Variants in RARB observed in about 807,000 individuals in gnomAD.
RARB encodes HBV-activated protein.
In RARB, 17 loss-of-function variants were observed where a neutral mutation model predicts 51.9. That is an observed-to-expected ratio of 0.33 (90% CI 0.22 to 0.49). The LOEUF is 0.49. RARB is among the 20% of genes least tolerant of loss of function. RARB has a pLI of 0.99. For synonymous variants in RARB, 215 were observed against 195.4 expected, an observed-to-expected ratio of 1.10 and a Z score of -0.84; for missense variants, 369 against 550.8, an observed-to-expected ratio of 0.67 and a Z score of 3.30.
chr3:25,129,294 G>A (rs1387621668), intron 3 of RARB, among the ~76,000 whole-genome samples: 1 of 151,938 alleles, frequency 6.6e-6, no homozygotes, highest in Non-Finnish European at 1.5e-5. Flanking sequence ...TTCATACAAA[G>A]GTAGATTTTT....
At position 25,280,124 on chromosome 3, in the gene RARB, T is replaced by A. The variant is rs546232553; in HGVS notation, c.178+105549T>A. On this transcript the variant is annotated intron_variant, in intron 5 of 11. Transcript: ENST00000383772. ...TGAAGACCCAAAGAAACAGGTACAGTTGTGTAATGTTGTGCTTAGGTTTGA... is the reference window on the plus strand; with the variant it reads ...TGAAGACCCAAAGAAACAGGTACAGATGTGTAATGTTGTGCTTAGGTTTGA... Among the ~76,000 whole-genome samples the A allele has an allele frequency of 8.5e-5, 13 of 152,102 alleles. No homozygotes were observed. The South Asian group carries it at 2.5e-3, about 29-fold the overall frequency.
chr3:25,546,196 G>C (rs1699609046), intron 3 of RARB, among the ~76,000 whole-genome samples: 1 of 152,138 alleles, frequency 6.6e-6, no homozygotes. Flanking sequence ...GAAGGAATCA[G>C]AGGCCACAGG....
intron 2 of RARB, among the ~76,000 whole-genome samples, chr3:24,908,524 C>A (rs189139069): frequency 2.6e-5 from 4 of 151,926 alleles, no homozygotes; most frequent in Non-Finnish European, 5.9e-5. Flanking sequence ...ACATAATGAA[C>A]AAAATTTAGC....
intron 2 of RARB, among the ~76,000 whole-genome samples, chr3:25,485,432 G>C (rs1237420549): frequency 6.6e-6 from 1 of 152,096 alleles, no homozygotes; most frequent in African/African-American, 2.4e-5. Flanking sequence ...GACAGCTTCT[G>C]GTTTCATGGC....
At chr3:25,496,654 A>G (rs1031066236) in intron 2 of RARB, among the ~76,000 whole-genome samples, 10 of 152,220 alleles carry the variant, frequency 6.6e-5, no homozygotes, top group African/African-American at 2.2e-4. Context: ...GACTTTAAGT[A>G]TCATCCTTGA....
rs1370416097 is a variant in RARB at position 24,962,960 on chromosome 3, C to T, written c.-379-97165C>T. On this transcript the variant is annotated intron_variant, in intron 2 of 11. Transcript: ENST00000383772. ...GAGTGGTTAAGTAATTTGCCGAAGT[C>T]ACCCATCCATAATTTAATCCCTTCA... Among the ~76,000 whole-genome samples, 3 of 152,176 alleles carry T rather than the reference C, an allele frequency of 2.0e-5. No individual in the cohort carries two copies. The South Asian group carries it at 6.2e-4, about 32-fold the overall frequency.
At chr3:25,089,003 C>G (rs1042232974) in intron 3 of RARB, among the ~76,000 whole-genome samples, 10 of 151,946 alleles carry the variant, frequency 6.6e-5, no homozygotes, top group African/African-American at 2.4e-4. Flanking sequence ...CACCCTGCCC[C>G]CTTTAAGTTT....
intron 5 of RARB, among the ~76,000 whole-genome samples, chr3:25,364,697 G>A (rs9310778): frequency 0.43 from 64,645 of 152,002 alleles, 14,262 homozygotes; most frequent in East Asian, 0.75. Flanking sequence ...GTTTCTATTT[G>A]ACATGCAAGG....
rs564159996 is a variant in RARB, at chr3:24,985,736, A to G, written c.-379-74389A>G. ...CCATTTTATGAGCCATGCCTTCTCC[A>G]GAACAGTCCCACTCTTTTGTACTTT... On this transcript the variant is annotated intron_variant, in intron 2 of 11. Coordinates refer to the RARB transcript ENST00000383772. 2.7e-4 allele frequency among the ~76,000 whole-genome samples: 41 copies of G among 152,318 alleles called. 1 individual carries two copies. In the South Asian group the frequency reaches 7.5e-3, roughly 28 times the overall value.
intron 4 of RARB, among the ~76,000 whole-genome samples, chr3:25,572,174 TGTTGA>T (rs1283721990): frequency 1.3e-5 from 2 of 152,062 alleles, no homozygotes; most frequent in Non-Finnish European, 2.9e-5. Flanking sequence ...TGGTGGACTG[TGTTGA>T]GTTGAGAGCA....
intron 3 of RARB, among the ~76,000 whole-genome samples, chr3:25,127,192 C>A (rs779761592): frequency 1.3e-5 from 2 of 152,092 alleles, no homozygotes; most frequent in Non-Finnish European, 2.9e-5. Context: ...AATAGCTTCT[C>A]GTTTTCATAG....
intron 4 of RARB, among the ~76,000 whole-genome samples, chr3:25,134,592 T>C (rs370291977): frequency 1.1e-4 from 17 of 152,010 alleles, no homozygotes; most frequent in Non-Finnish European, 1.0e-4. Context: ...TACTATCATA[T>C]GTGCTTATTC....
At chr3:25,116,667 T>A (rs1370481156) in intron 3 of RARB, among the ~76,000 whole-genome samples, 1 of 152,014 alleles carries the variant, frequency 6.6e-6, no homozygotes, top group Non-Finnish European at 1.5e-5. Flanking sequence ...GAAGCTACCA[T>A]TGACTTTGGT....
chr3:25,400,084 C>T (rs1707223762), intron 5 of RARB, among the ~76,000 whole-genome samples: 1 of 152,108 alleles, frequency 6.6e-6, no homozygotes, highest in Admixed American at 6.5e-5. Flanking sequence ...TTTAATAATG[C>T]TACCCATTAT....
chr3:25,103,401 T>C (rs898056286), intron 3 of RARB, among the ~76,000 whole-genome samples: 4 of 152,224 alleles, frequency 2.6e-5, no homozygotes, highest in Admixed American at 2.6e-4. Flanking sequence ...CTTTCATGGT[T>C]AAAGATGACT....
intron 4 of RARB, among the ~76,000 whole-genome samples, chr3:25,157,464 T>G (rs1446103379): frequency 2.0e-5 from 3 of 151,818 alleles, no homozygotes. Flanking sequence ...AATGCAGTAG[T>G]GCAATCTCAG....
chr3:25,024,230 G>A (rs557887577), intron 2 of RARB, among the ~76,000 whole-genome samples: 1 of 152,288 alleles, frequency 6.6e-6, no homozygotes, highest in South Asian at 2.1e-4. Context: ...CTTTAGATCT[G>A]TCTTTTCTAA....
chr3:24,943,167 T>C (rs1695704361), intron 2 of RARB, among the ~76,000 whole-genome samples: 1 of 152,190 alleles, frequency 6.6e-6, no homozygotes, highest in African/African-American at 2.4e-5. Flanking sequence ...GTAATCTTAA[T>C]TGTTAGTACT....
At position 25,360,554 on chromosome 3, in the gene RARB, G is replaced by T. The variant is rs563232969; in HGVS notation, c.179-100639G>T. On this transcript the variant is annotated intron_variant, in intron 5 of 11. Coordinates refer to the RARB transcript ENST00000383772. Reference sequence around the variant, plus strand: ...GGTTATTTTGCCCATTACTTGATGCGGTTTCTTAAGAGTGTCAATGGTCTT... The same window carrying T: ...GGTTATTTTGCCCATTACTTGATGCTGTTTCTTAAGAGTGTCAATGGTCTT... 5.3e-5 allele frequency among the ~76,000 whole-genome samples: 8 copies of T among 152,162 alleles called. No individual in the cohort carries two copies. The South Asian group carries it at 1.7e-3, about 32-fold the overall frequency.
Sources: gnomAD v4.1 joint callset for allele counts (sites outside exome capture counted in the v4.1 genomes callset) on GRCh38, gnomAD v4.1.1 for gene constraint, MANE v1.5 for transcripts, NCBI Gene and HGNC (gene_info 2026-07-23, HGNC 2026-07-21) for gene names.